Variants in CDYL2 observed in about 807,000 individuals in gnomAD.
CDYL2 encodes chromodomain Y like 2, also known as chromodomain Y-like protein 2.
In CDYL2, 23 loss-of-function variants were observed where a neutral mutation model predicts 49.4. The observed-to-expected ratio is 0.47, with a 90% CI of 0.34 to 0.66. The LOEUF is 0.66. Ranked by LOEUF, CDYL2 falls within the 30% of genes least tolerant of loss-of-function variation. The pLI, the probability that CDYL2 is intolerant of heterozygous loss-of-function variation, is 0.01. For synonymous variants in CDYL2, 360 were observed against 268.8 expected (o/e 1.34, Z -3.32); for missense variants, 678 against 656.4 (o/e 1.03, Z -0.36).
chr16:80,683,873 T>C (rs944741611), intron 2 of CDYL2, among the ~76,000 whole-genome samples: 10 of 152,236 alleles, frequency 6.6e-5, no homozygotes, highest in African/African-American at 2.2e-4. Flanking sequence ...CATGGACTTC[T>C]AGCCTTCAGA....
rs544944050 is a variant in CDYL2 at position 80,663,897 on chromosome 16, G to A, written c.616+20641C>T. On this transcript the variant is annotated intron_variant, in intron 2 of 6. Transcript: ENST00000570137. ...GTGAGCCACTATGCCCCGCCTAAATGTTTAAAGCATTCAGCAGTGTAAAGC... is the reference window on the plus strand; with the variant it reads ...GTGAGCCACTATGCCCCGCCTAAATATTTAAAGCATTCAGCAGTGTAAAGC... Among the ~76,000 whole-genome samples, 53 of 152,240 alleles carry A rather than the reference G, an allele frequency of 3.5e-4. 1 individual carries two copies. Among genetic ancestry groups the A allele is most frequent in the Middle Eastern group, 3.4e-3 (1 of 294 alleles).
intron 4 of CDYL2, among the ~76,000 whole-genome samples, chr16:80,620,431 G>T (rs1044868715): frequency 6.6e-6 from 1 of 152,130 alleles, no homozygotes; most frequent in Non-Finnish European, 1.5e-5. Flanking sequence ...GACAACACAT[G>T]GCCACTACCA....
intron 1 of CDYL2, among the ~76,000 whole-genome samples, chr16:80,731,912 TAAA>T (rs36094462): frequency 6.9e-6 from 1 of 144,224 alleles, no homozygotes; most frequent in African/African-American, 2.6e-5. Context: ...GCAGCACAGT[TAAA>T]AAAAAAAAAA....
At chr16:80,695,501 A>G (rs1910583728) in intron 1 of CDYL2, among the ~76,000 whole-genome samples, 1 of 152,252 alleles carries the variant, frequency 6.6e-6, no homozygotes, top group African/African-American at 2.4e-5. Flanking sequence ...TGCTGCCTAT[A>G]AGAAATTCAC....
intron 1 of CDYL2, among the ~76,000 whole-genome samples, chr16:80,706,677 T>A (rs1377163837): frequency 6.6e-6 from 1 of 152,056 alleles, no homozygotes; most frequent in East Asian, 1.9e-4. Context: ...GCTCCACAAG[T>A]GTACAAGAAA....
rs1012294494 is a variant in CDYL2, at chr16:80,762,680, G to T, written c.24+41470C>A. ...CCCCAAAATTATCCTTTTGGAGCTTGTCCAGTCTTTTGGGCACAAGCACAA... is the reference window on the plus strand; with the variant it reads ...CCCCAAAATTATCCTTTTGGAGCTTTTCCAGTCTTTTGGGCACAAGCACAA... On this transcript the variant is annotated intron_variant, in intron 1 of 6. Coordinates refer to ENST00000570137, the MANE Select transcript of CDYL2 (RefSeq NM_152342.4). 3.9e-5 allele frequency among the ~76,000 whole-genome samples: 6 copies of T among 152,166 alleles called. No homozygotes were observed. The East Asian group carries it at 1.2e-3, about 29-fold the overall frequency.
chr16:80,747,053 G>C (rs1905957149), intron 1 of CDYL2, among the ~76,000 whole-genome samples: 1 of 152,142 alleles, frequency 6.6e-6, no homozygotes, highest in Non-Finnish European at 1.5e-5. Flanking sequence ...CTGAGGGTTG[G>C]CTGCCATTTA....
chr16:80,667,991 G>T (rs556129469), intron 2 of CDYL2, among the ~76,000 whole-genome samples: 11 of 152,348 alleles, frequency 7.2e-5, no homozygotes, highest in African/African-American at 2.6e-4. Context: ...ACAAGTGGAA[G>T]GAACATGAGA....
chr16:80,789,645 C>A (rs1210733702), intron 1 of CDYL2, among the ~76,000 whole-genome samples: 2 of 151,396 alleles, frequency 1.3e-5, no homozygotes, highest in Non-Finnish European at 2.9e-5. Context: ...TGCACTATTA[C>A]AAGAGCAAAG....
intron 4 of CDYL2, among the ~76,000 whole-genome samples, chr16:80,620,041 T>G (rs1478940305): frequency 6.6e-6 from 1 of 152,200 alleles, no homozygotes; most frequent in Non-Finnish European, 1.5e-5. Flanking sequence ...GTGACTTGTC[T>G]GATTCCTAAG....
chr16:80,711,689 T>C (rs1434762119), intron 1 of CDYL2, among the ~76,000 whole-genome samples: 1 of 152,150 alleles, frequency 6.6e-6, no homozygotes, highest in Non-Finnish European at 1.5e-5. Context: ...CCAATGGTTG[T>C]TCTAAGTATT....
chr16:80,764,769 T>C (rs1427473925), intron 1 of CDYL2, among the ~76,000 whole-genome samples: 1 of 151,872 alleles, frequency 6.6e-6, no homozygotes, highest in Non-Finnish European at 1.5e-5. Context: ...TAGAAAGAAT[T>C]TAGTTCCTCG....
At chr16:80,613,305 C>T (rs929813276) in intron 4 of CDYL2, among the ~76,000 whole-genome samples, 7 of 152,102 alleles carry the variant, frequency 4.6e-5, no homozygotes, top group African/African-American at 1.7e-4. Context: ...AATGGAGTGG[C>T]TTTGTGGGGT....
chr16:80,771,901 G>A (rs573559408), intron 1 of CDYL2, among the ~76,000 whole-genome samples: 1 of 152,184 alleles, frequency 6.6e-6, no homozygotes, highest in South Asian at 2.1e-4. Flanking sequence ...GAGAAAAACT[G>A]CTTAGGAGAC....
At chr16:80,641,816 G>A (rs1478925772) in intron 2 of CDYL2, among the ~76,000 whole-genome samples, 2 of 151,404 alleles carry the variant, frequency 1.3e-5, no homozygotes, top group African/African-American at 4.9e-5. Context: ...GTTAACGGGT[G>A]CAGCACACCA....
intron 1 of CDYL2, among the ~76,000 whole-genome samples, chr16:80,737,072 C>A (rs1905559445): frequency 6.6e-6 from 1 of 152,102 alleles, no homozygotes; most frequent in Non-Finnish European, 1.5e-5. Flanking sequence ...TGCTTCATGC[C>A]CCCTTTGCAG....
intron 2 of CDYL2, among the ~76,000 whole-genome samples, chr16:80,661,226 T>A (rs185172526): frequency 2.6e-5 from 4 of 152,054 alleles, no homozygotes; most frequent in Non-Finnish European, 5.9e-5. Context: ...CTATCCCCAA[T>A]TGAGGGATAC....
chr16:80,802,362 A>G (rs1485305887), intron 1 of CDYL2, among the ~76,000 whole-genome samples: 15 of 152,136 alleles, frequency 9.9e-5, no homozygotes, highest in Non-Finnish European at 2.2e-4. Flanking sequence ...TCACCCCTAA[A>G]CAATATCTAC....
At chr16:80,617,076 G>A (rs1906865201) in intron 4 of CDYL2, among the ~76,000 whole-genome samples, 1 of 152,316 alleles carries the variant, frequency 6.6e-6, no homozygotes, top group Non-Finnish European at 1.5e-5. Flanking sequence ...AAGTTCAGAG[G>A]AGGCAGACTC....
Sources: gnomAD v4.1 joint callset for allele counts (sites outside exome capture counted in the v4.1 genomes callset) on GRCh38, gnomAD v4.1.1 for gene constraint, MANE v1.5 for transcripts, NCBI Gene and HGNC (gene_info 2026-07-23, HGNC 2026-07-21) for gene names.